Variants in KCNN2 observed in about 807,000 individuals in gnomAD.
The protein encoded by KCNN2 is potassium calcium-activated channel subfamily N member 2.
A neutral mutation model predicts 55.5 loss-of-function variants in KCNN2; 24 were observed. That is an observed-to-expected ratio of 0.43 (90% CI 0.31 to 0.61). The LOEUF is 0.61. Ranked by LOEUF, KCNN2 falls within the 20% of genes least tolerant of loss-of-function variation. The pLI is 0.08. For missense variants in KCNN2, 754 were observed against 853.6 expected (o/e 0.88, Z 1.45); for synonymous variants, 431 against 336.1 (o/e 1.28, Z -3.09).
At chr5:114,203,058 C>G (rs1364229996) in intron 1 of KCNN2, among the ~76,000 whole-genome samples, 1 of 152,148 alleles carries the variant, frequency 6.6e-6, no homozygotes, top group Non-Finnish European at 1.5e-5. Context: ...AGCCATTACA[C>G]ATTTGCCCTG....
intron 2 of KCNN2, among the ~76,000 whole-genome samples, chr5:114,288,341 T>C (rs994360631): frequency 6.6e-6 from 1 of 152,190 alleles, no homozygotes; most frequent in African/African-American, 2.4e-5. Flanking sequence ...TTTTTAAGTA[T>C]ATACTCAGTA....
intron 3 of KCNN2, among the ~76,000 whole-genome samples, chr5:114,423,406 C>G (rs1759527495): frequency 6.6e-6 from 1 of 152,090 alleles, no homozygotes; most frequent in Non-Finnish European, 1.5e-5. Context: ...AGAGGCTAAT[C>G]AAAAGCTAAC....
intron 3 of KCNN2, among the ~76,000 whole-genome samples, chr5:114,405,717 T>TTTTG (rs1491211440): frequency 1.3e-4 from 5 of 39,050 alleles, no homozygotes; most frequent in East Asian, 3.0e-4. Flanking sequence ...TTTTGTTTTG[T>TTTTG]TTTTTTTTTT....
intron 2 of KCNN2, among the ~76,000 whole-genome samples, chr5:114,383,101 A>G (rs945086091): frequency 6.6e-6 from 1 of 152,198 alleles, no homozygotes; most frequent in African/African-American, 2.4e-5. Flanking sequence ...CCCAGGTACT[A>G]AGCTATGATA....
intron 2 of KCNN2, among the ~76,000 whole-genome samples, chr5:114,235,828 A>G (rs1209403337): frequency 6.6e-6 from 1 of 152,222 alleles, no homozygotes; most frequent in Admixed American, 6.5e-5. Flanking sequence ...ACCCTGTACT[A>G]ATACTTTGAT....
chr5:114,245,455 G>T (rs561920086), intron 2 of KCNN2, among the ~76,000 whole-genome samples: 1 of 152,268 alleles, frequency 6.6e-6, no homozygotes, highest in African/African-American at 2.4e-5. Flanking sequence ...TACTAACAAA[G>T]AAACTGAATT....
intron 2 of KCNN2, among the ~76,000 whole-genome samples, chr5:114,320,290 TA>T (rs1029865150): frequency 2.0e-5 from 3 of 151,638 alleles, no homozygotes; most frequent in South Asian, 2.1e-4. Flanking sequence ...TAGTGAGGGT[TA>T]AAAAAAAATT....
At chr5:114,247,784 C>T (rs746155885) in intron 2 of KCNN2, among the ~76,000 whole-genome samples, 1 of 151,942 alleles carries the variant, frequency 6.6e-6, no homozygotes, top group East Asian at 1.9e-4. Flanking sequence ...ACAGCAAGTA[C>T]CCAAAAGGGT....
At chr5:114,129,412 A>G (rs1014544963) in intron 1 of KCNN2, among the ~76,000 whole-genome samples, 1 of 152,022 alleles carries the variant, frequency 6.6e-6, no homozygotes, top group Admixed American at 6.5e-5. Context: ...AAACCTAAAG[A>G]TTAGCTGCCA....
chr5:114,108,547 T>G (rs1751533507), intron 1 of KCNN2, among the ~76,000 whole-genome samples: 1 of 152,106 alleles, frequency 6.6e-6, no homozygotes, highest in Non-Finnish European at 1.5e-5. Context: ...AACACACATT[T>G]GACTTCTTTC....
chr5:114,396,724 T>A (rs1189942842), intron 2 of KCNN2, among the ~76,000 whole-genome samples: 1 of 152,076 alleles, frequency 6.6e-6, no homozygotes, highest in Non-Finnish European at 1.5e-5. Context: ...AATTTTTGTA[T>A]TTTTTAGAGA....
chr5:114,213,141 G>T (rs1753923944), intron 1 of KCNN2, among the ~76,000 whole-genome samples: 1 of 151,912 alleles, frequency 6.6e-6, no homozygotes, highest in African/African-American at 2.4e-5. Context: ...AAATTCCTTT[G>T]TCTCCATAGT....
intron 3 of KCNN2, among the ~76,000 whole-genome samples, chr5:114,452,559 A>G (rs1760739561): frequency 6.6e-6 from 1 of 152,186 alleles, no homozygotes; most frequent in Admixed American, 6.5e-5. Context: ...TTGAATGAGA[A>G]ACTCCTGAAA....
chr5:114,105,202 C>T (rs535268813), intron 1 of KCNN2, among the ~76,000 whole-genome samples: 6 of 152,012 alleles, frequency 3.9e-5, no homozygotes, highest in African/African-American at 1.2e-4. Flanking sequence ...CCCGCAGAGC[C>T]TATTTGTTGC....
chr5:114,103,533 C>G (rs1456295672), intron 1 of KCNN2, among the ~76,000 whole-genome samples: 1 of 152,098 alleles, frequency 6.6e-6, no homozygotes, highest in Admixed American at 6.6e-5. Context: ...CCAGCTTTTG[C>G]TCATTCAGTG....
chr5:114,408,511 A>G (rs965608444), intron 3 of KCNN2, among the ~76,000 whole-genome samples: 1 of 152,158 alleles, frequency 6.6e-6, no homozygotes. Flanking sequence ...TTTCCTAGCA[A>G]TCATGGTATT....
At chr5:114,093,888 A>T (rs2112559333) in intron 1 of KCNN2, among the ~76,000 whole-genome samples, 1 of 152,286 alleles carries the variant, frequency 6.6e-6, no homozygotes, top group South Asian at 2.1e-4. Context: ...TAACCATAGT[A>T]CAACCTAAAG....
At chr5:114,299,620 C>T (rs772132985) in intron 2 of KCNN2, among the ~76,000 whole-genome samples, 1 of 152,190 alleles carries the variant, frequency 6.6e-6, no homozygotes, top group Non-Finnish European at 1.5e-5. Flanking sequence ...TGCTCACTGA[C>T]CTCCATACAG....
At chr5:114,312,515 A>T (rs1420185246) in intron 2 of KCNN2, among the ~76,000 whole-genome samples, 1 of 143,168 alleles carries the variant, frequency 7.0e-6, no homozygotes, top group Non-Finnish European at 1.5e-5. Context: ...ACAAACCCCC[A>T]TATGGTCAAG....
Sources: allele counts gnomAD v4.1 joint callset (sites outside exome capture counted in the v4.1 genomes callset), GRCh38; gene constraint gnomAD v4.1.1; transcripts MANE v1.5; gene names NCBI Gene and HGNC (gene_info 2026-07-23, HGNC 2026-07-21).